Variants in NAALADL2 observed in about 807,000 individuals in gnomAD.
NAALADL2 encodes inactive N-acetylated-alpha-linked acidic dipeptidase-like protein 2.
In NAALADL2, 76 loss-of-function variants were observed where a neutral mutation model predicts 87.2. The observed-to-expected ratio is 0.87, with a 90% CI of 0.72 to 1.05. The LOEUF (loss-of-function observed/expected upper bound fraction) is 1.05. Among genes scored for constraint, NAALADL2 ranks in the 50% least tolerant of loss-of-function variants. The pLI is 0.00. For synonymous variants in NAALADL2, 354 were observed against 331.0 expected, an observed-to-expected ratio of 1.07 and a Z score of -0.75; for missense variants, 1,089 against 945.8, an observed-to-expected ratio of 1.15 and a Z score of -1.99.
intron 2 of NAALADL2, among the ~76,000 whole-genome samples, chr3:174,651,195 A>G (rs1230649531): frequency 6.6e-6 from 1 of 152,130 alleles, no homozygotes; most frequent in African/African-American, 2.4e-5. Flanking sequence ...ATTGACCTCA[A>G]AATTTTCTGT....
At chr3:174,649,377 C>G (rs970721497) in intron 2 of NAALADL2, among the ~76,000 whole-genome samples, 1 of 152,050 alleles carries the variant, frequency 6.6e-6, no homozygotes, top group Non-Finnish European at 1.5e-5. Flanking sequence ...GTCCTTCTTT[C>G]TGATTTTCTA....
At chr3:174,716,142 A>G (rs898665512) in intron 2 of NAALADL2, among the ~76,000 whole-genome samples, 1 of 152,166 alleles carries the variant, frequency 6.6e-6, no homozygotes, top group Non-Finnish European at 1.5e-5. Flanking sequence ...CTTAACAAAT[A>G]GAATATCCTT....
chr3:175,125,722 G>A (rs1355908961), intron 2 of NAALADL2, among the ~76,000 whole-genome samples: 1 of 152,070 alleles, frequency 6.6e-6, no homozygotes, highest in Non-Finnish European at 1.5e-5. Context: ...ACAGGTTCGA[G>A]AAGCCTACTA....
At chr3:175,710,138 G>C (rs932278921) in intron 11 of NAALADL2, among the ~76,000 whole-genome samples, 1 of 151,850 alleles carries the variant, frequency 6.6e-6, no homozygotes, top group African/African-American at 2.4e-5. Flanking sequence ...ATAACTGAGA[G>C]AAATCACCGG....
chr3:174,700,573 G>T (rs1729458706), intron 2 of NAALADL2, among the ~76,000 whole-genome samples: 1 of 151,754 alleles, frequency 6.6e-6, no homozygotes, highest in South Asian at 2.1e-4. Context: ...ATTTATTTTA[G>T]AAAAACAAAA....
intron 1 of NAALADL2, among the ~76,000 whole-genome samples, chr3:174,536,234 A>G (rs1381030764): frequency 6.6e-6 from 1 of 152,060 alleles, no homozygotes; most frequent in Non-Finnish European, 1.5e-5. Context: ...ATTTATTTAG[A>G]TACTTGATTT....
intron 2 of NAALADL2, among the ~76,000 whole-genome samples, chr3:175,216,814 G>A (rs1162087907): frequency 1.3e-5 from 2 of 151,612 alleles, no homozygotes; most frequent in Admixed American, 6.6e-5. Context: ...GATTACGGGT[G>A]CCCCCCACAA....
chr3:174,551,904 C>T (rs547821366), intron 2 of NAALADL2, among the ~76,000 whole-genome samples: 1 of 152,268 alleles, frequency 6.6e-6, no homozygotes, highest in African/African-American at 2.4e-5. Context: ...GCTTTGGTAT[C>T]CACGGTCCTC....
intron 4 of NAALADL2, among the ~76,000 whole-genome samples, chr3:175,295,711 GCACACAAACA>G (rs1560307497): frequency 1.3e-4 from 6 of 46,486 alleles, no homozygotes. Flanking sequence ...TGATACACAT[GCACACAAACA>G]CACACACACA....
chr3:175,567,581 G>A (rs1481026268), intron 9 of NAALADL2, among the ~76,000 whole-genome samples: 1 of 152,098 alleles, frequency 6.6e-6, no homozygotes, highest in Non-Finnish European at 1.5e-5. Flanking sequence ...TAGACTAGAA[G>A]ATTAGCAATT....
At chr3:175,396,394 A>T (rs1449342474) in intron 5 of NAALADL2, among the ~76,000 whole-genome samples, 2 of 152,186 alleles carry the variant, frequency 1.3e-5, no homozygotes, top group African/African-American at 4.8e-5. Flanking sequence ...TTGATAAGTA[A>T]TGTTGAATAC....
chr3:175,374,299 A>G (rs550141133), intron 5 of NAALADL2, among the ~76,000 whole-genome samples: 1 of 151,864 alleles, frequency 6.6e-6, no homozygotes, highest in South Asian at 2.1e-4. Context: ...CATTCTTGCA[A>G]TCTCAGCACT....
At chr3:175,356,472 G>A (rs922069816) in intron 5 of NAALADL2, among the ~76,000 whole-genome samples, 1 of 151,582 alleles carries the variant, frequency 6.6e-6, no homozygotes, top group African/African-American at 2.4e-5. Context: ...CTACTTGAGA[G>A]GTTGAGGTGG....
chr3:175,602,952 C>T (rs1447227041), intron 10 of NAALADL2, among the ~76,000 whole-genome samples: 1 of 152,186 alleles, frequency 6.6e-6, no homozygotes, highest in Non-Finnish European at 1.5e-5. Context: ...TTCTCTCCTT[C>T]TCCCTATATA....
At chr3:175,154,843 A>G (rs912503121) in intron 2 of NAALADL2, among the ~76,000 whole-genome samples, 6 of 152,166 alleles carry the variant, frequency 3.9e-5, no homozygotes, top group African/African-American at 1.4e-4. Flanking sequence ...GATGAAAGCC[A>G]CTGTTTGAAA....
chr3:175,409,025 A>G (rs1035995132), intron 5 of NAALADL2, among the ~76,000 whole-genome samples: 3 of 151,946 alleles, frequency 2.0e-5, no homozygotes, highest in African/African-American at 7.2e-5. Flanking sequence ...TTAATTTTCC[A>G]TCTAGTTTAT....
At chr3:175,101,791 T>G (rs1722245062) in intron 2 of NAALADL2, among the ~76,000 whole-genome samples, 1 of 150,110 alleles carries the variant, frequency 6.7e-6, no homozygotes, top group Non-Finnish European at 1.5e-5. Flanking sequence ...CAGCTGTCGA[T>G]GCTGTGAAAT....
chr3:174,750,406 C>T (rs1455275441), intron 3 of NAALADL2, among the ~76,000 whole-genome samples: 1 of 143,794 alleles, frequency 7.0e-6, no homozygotes, highest in East Asian at 2.0e-4. Flanking sequence ...TTCCATTCTT[C>T]TTCTTCTTCT....
chr3:174,853,030 A>G (rs2109486094), intron 3 of NAALADL2, among the ~76,000 whole-genome samples: 2 of 151,946 alleles, frequency 1.3e-5, no homozygotes, highest in South Asian at 4.2e-4. Context: ...AACTAGACTC[A>G]TATCTCTCAT....
Sources: allele counts gnomAD v4.1 joint callset (sites outside exome capture counted in the v4.1 genomes callset), GRCh38; gene constraint gnomAD v4.1.1; transcripts MANE v1.5; gene names NCBI Gene and HGNC (gene_info 2026-07-23, HGNC 2026-07-21).